The following MRPS6 variants were observed in gnomAD, a reference collection of about 807,000 sequenced individuals.
MRPS6 encodes the protein small ribosomal subunit protein bS6m.
MRPS6 carries 6 observed loss-of-function variants against 13.1 expected under a neutral mutation model. That is an observed-to-expected ratio of 0.46 (90% confidence interval 0.25 to 0.91). MRPS6 has a LOEUF of 0.91. Ranked by LOEUF, MRPS6 falls within the 40% of genes least tolerant of loss-of-function variation. The pLI, the probability that MRPS6 is intolerant of heterozygous loss-of-function variation, is 0.18. For missense variants in MRPS6, 164 were observed against 155.6 expected (o/e 1.05, Z -0.29); for synonymous variants, 61 against 56.5 (o/e 1.08, Z -0.36).
At chr21:34,095,323 C>A in intron 1 of MRPS6, 2 of 1,614,032 alleles carry the variant, frequency 1.2e-6, no homozygotes, top group Non-Finnish European at 1.7e-6. Context: ...TACTTCCTGG[C>A]GGGGCGCTCT....
chr21:34,140,266 C>T (rs1241595747), intron 2 of MRPS6, among the ~76,000 whole-genome samples: 1 of 151,582 alleles, frequency 6.6e-6, no homozygotes, highest in Non-Finnish European at 1.5e-5. Flanking sequence ...TATGAATTTC[C>T]TGACAAGTAT....
intron 1 of MRPS6, chr21:34,097,521 G>A: frequency 7.2e-6 from 10 of 1,380,956 alleles, no homozygotes; most frequent in South Asian, 3.8e-5. Context: ...TCCCAGAGAT[G>A]GATTAAAGTA....
chr21:34,083,372 C>G (rs1222249059), intron 1 of MRPS6, among the ~76,000 whole-genome samples: 1 of 152,142 alleles, frequency 6.6e-6, no homozygotes, highest in African/African-American at 2.4e-5. Context: ...CTCAGATGCC[C>G]CGTGTATGAA....
intron 1 of MRPS6, among the ~76,000 whole-genome samples, chr21:34,107,557 C>T (rs867267879): frequency 1.3e-5 from 2 of 152,266 alleles, no homozygotes. Context: ...ACTTGAACCC[C>T]TAGTTTTAGC....
At chr21:34,109,931 A>G (rs965779792) in intron 1 of MRPS6, among the ~76,000 whole-genome samples, 2 of 152,158 alleles carry the variant, frequency 1.3e-5, no homozygotes, top group African/African-American at 2.4e-5. Flanking sequence ...CAGTAGTTCT[A>G]GTAGGTTTTC....
intron 1 of MRPS6, among the ~76,000 whole-genome samples, chr21:34,113,179 A>G (rs985091198): frequency 1.3e-5 from 2 of 152,166 alleles, no homozygotes; most frequent in African/African-American, 2.4e-5. Flanking sequence ...CAGTATGGAG[A>G]TTTCTCAAAA....
rs904692720 is a variant in MRPS6, at chr21:34,099,040, C to G, written c.45+25295C>G. On this transcript the variant is annotated intron_variant, in intron 1 of 2. Coordinates refer to ENST00000399312, the MANE Select transcript of MRPS6 (RefSeq NM_032476.4). ...TATAAACTAGTTTCATTATGATGGA[C>G]TTGATTAGTCCAAAGTTAATTTTAG... The G allele has an allele frequency of 3.9e-5, 39 of 994,902 alleles. 1 individual carries two copies. Among genetic ancestry groups the G allele is most frequent in the Non-Finnish European group, 4.6e-5 (38 of 825,196 alleles). The allele number at this position is 994,902 out of a possible 1,614,324, so 61.6% of individuals were successfully genotyped here.
intron 1 of MRPS6, chr21:34,098,212 C>G (rs1286902692): frequency 1.0e-6 from 1 of 995,962 alleles, no homozygotes; most frequent in African/African-American, 1.8e-5. Context: ...TTAACTTATG[C>G]TAATCAGATG....
chr21:34,085,520 T>C lies in MRPS6; in HGVS notation c.45+11775T>C, dbSNP rs1978330457. On this transcript the variant is annotated intron_variant, in intron 1 of 2. Transcript: ENST00000399312. ...GTTTTAGCATCTGTTGGTGACTGAA[T>C]CAGTTATTGCAGGAGTACTTTAAAG... is the stretch of plus-strand genomic sequence containing the variant. Among the ~76,000 whole-genome samples the C allele has an allele frequency of 2.0e-5, 3 of 152,154 alleles. No individual in the cohort carries two copies. In the South Asian group the frequency reaches 6.2e-4, roughly 31 times the overall value.
intron 1 of MRPS6, among the ~76,000 whole-genome samples, chr21:34,094,507 T>C (rs1981103263): frequency 1.3e-5 from 2 of 152,192 alleles, no homozygotes; most frequent in South Asian, 4.1e-4. Flanking sequence ...ATTAGTGTTT[T>C]CTCCCCTTTA....
chr21:34,105,453 A>G, intron 1 of MRPS6: 1 of 999,678 alleles, frequency 1.0e-6, no homozygotes, highest in Non-Finnish European at 1.2e-6. Context: ...AAATGTCAGC[A>G]GAGTGCTGCT....
At chr21:34,132,928 T>C (rs1225883405) in intron 2 of MRPS6, among the ~76,000 whole-genome samples, 1 of 152,224 alleles carries the variant, frequency 6.6e-6, no homozygotes, top group Non-Finnish European at 1.5e-5. Context: ...TTAACCTTTT[T>C]GAGTCTCTCT....
chr21:34,087,592 G>A (rs1344120702), intron 1 of MRPS6, among the ~76,000 whole-genome samples: 1 of 152,186 alleles, frequency 6.6e-6, no homozygotes, highest in East Asian at 1.9e-4. Flanking sequence ...GCATTGAGAT[G>A]GTCAGGGAAG....
At chr21:34,100,584 G>A in intron 1 of MRPS6, 1 of 1,000,258 alleles carries the variant, frequency 1.0e-6, no homozygotes, top group South Asian at 4.7e-5. Context: ...CCAGGGTCAT[G>A]TAGCCATAGC....
chr21:34,135,730 T>G, intron 2 of MRPS6: 1 of 426,686 alleles, frequency 2.3e-6, no homozygotes, highest in South Asian at 2.1e-5. Context: ...GAGGTGAGGG[T>G]TCTCGCCTGT....
intron 1 of MRPS6, among the ~76,000 whole-genome samples, chr21:34,093,110 G>A (rs905917240): frequency 9.2e-5 from 14 of 151,952 alleles, no homozygotes; most frequent in African/African-American, 2.9e-4. Flanking sequence ...TAGATGATTC[G>A]TCCTACATAA....
chr21:34,123,161 G>T (rs995864492), intron 1 of MRPS6: 2 of 152,022 alleles, frequency 1.3e-5, no homozygotes, highest in Admixed American at 6.6e-5. Context: ...TTTTTTCTAA[G>T]CCTTAAGCCA....
chr21:34,111,460 C>T (rs1302842820), intron 1 of MRPS6, among the ~76,000 whole-genome samples: 1 of 152,210 alleles, frequency 6.6e-6, no homozygotes, highest in Non-Finnish European at 1.5e-5. Context: ...TCCCCTCCCC[C>T]ACTTCTATTT....
chr21:34,080,870 T>C (rs1325145253), intron 1 of MRPS6, among the ~76,000 whole-genome samples: 1 of 152,224 alleles, frequency 6.6e-6, no homozygotes, highest in East Asian at 1.9e-4. Context: ...GCTAGTAGTT[T>C]GCTTACAAGT....
Sources: gnomAD v4.1 joint callset for allele counts (sites outside exome capture counted in the v4.1 genomes callset) on GRCh38, gnomAD v4.1.1 for gene constraint, MANE v1.5 for transcripts, NCBI Gene and HGNC (gene_info 2026-07-23, HGNC 2026-07-21) for gene names.